ANKS1B: variants seen among roughly 807,000 people sequenced by gnomAD.
ANKS1B encodes the protein ankyrin repeat and sterile alpha motif domain-containing protein 1B.
In ANKS1B, 36 loss-of-function variants were observed where a neutral mutation model predicts 148.3. The ratio of observed to expected loss-of-function variants is 0.24; its 90% CI spans 0.19 to 0.32. ANKS1B has a LOEUF of 0.32. Ranked by LOEUF, ANKS1B falls within the 10% of genes least tolerant of loss-of-function variation. The pLI is 1.00. For synonymous variants in ANKS1B, 542 were observed against 560.8 expected, an observed-to-expected ratio of 0.97 and a Z score of 0.47; for missense variants, 1,157 against 1,542.6, an observed-to-expected ratio of 0.75 and a Z score of 4.19.
intron 15 of ANKS1B, among the ~76,000 whole-genome samples, chr12:99,087,644 G>A (rs1026703893): frequency 5.3e-5 from 8 of 152,162 alleles, no homozygotes; most frequent in Non-Finnish European, 1.2e-4. Flanking sequence ...ACTCTTTGAG[G>A]AGTTACCTGG....
intron 15 of ANKS1B, among the ~76,000 whole-genome samples, chr12:99,151,769 T>C (rs2074991987): frequency 6.6e-6 from 1 of 152,204 alleles, no homozygotes; most frequent in African/African-American, 2.4e-5. Context: ...ATTAATGGAT[T>C]CTTGATTGAA....
chr12:99,299,224 C>T (rs1426205631), intron 12 of ANKS1B, among the ~76,000 whole-genome samples: 2 of 152,022 alleles, frequency 1.3e-5, no homozygotes, highest in Non-Finnish European at 2.9e-5. Flanking sequence ...CCATGCCTGG[C>T]TAAGTTTTCT....
At chr12:98,740,159 T>G (rs1244551746), downstream of ANKS1B, among the ~76,000 whole-genome samples, 1 of 152,184 alleles carries the variant, frequency 6.6e-6, no homozygotes, top group Non-Finnish European at 1.5e-5. Flanking sequence ...GGCTGTCAAG[T>G]GGATCTAAGT....
At chr12:99,866,544 G>T (rs1685346120) in intron 1 of ANKS1B, among the ~76,000 whole-genome samples, 1 of 152,068 alleles carries the variant, frequency 6.6e-6, no homozygotes, top group African/African-American at 2.4e-5. Context: ...TTGCTGTCTC[G>T]AGAACTTAAG....
chr12:99,677,821 A>C (rs560017431), intron 8 of ANKS1B, among the ~76,000 whole-genome samples: 1 of 152,002 alleles, frequency 6.6e-6, no homozygotes, highest in East Asian at 1.9e-4. Flanking sequence ...AAAATACAAA[A>C]AATTAGCCGG....
chr12:99,732,846 G>A (rs547632775), intron 8 of ANKS1B, among the ~76,000 whole-genome samples: 6 of 152,162 alleles, frequency 3.9e-5, no homozygotes, highest in South Asian at 2.1e-4. Context: ...GTATATTAAC[G>A]TACTGGATAT....
At chr12:98,860,790 G>A (rs943978944) in intron 17 of ANKS1B, among the ~76,000 whole-genome samples, 11 of 152,138 alleles carry the variant, frequency 7.2e-5, no homozygotes, top group African/African-American at 2.7e-4. Context: ...CTAGGTGACA[G>A]GTTGACAGGT....
chr12:99,596,267 C>T (rs1005735459), intron 9 of ANKS1B, among the ~76,000 whole-genome samples: 3 of 151,734 alleles, frequency 2.0e-5, no homozygotes, highest in African/African-American at 7.3e-5. Context: ...AGGATCTTTC[C>T]TTGCTTCTTT....
chr12:99,055,102 A>G (rs2099968702), intron 16 of ANKS1B, among the ~76,000 whole-genome samples: 1 of 152,236 alleles, frequency 6.6e-6, no homozygotes, highest in Non-Finnish European at 1.5e-5. Context: ...ATCAGAGGCT[A>G]GGACCCAAAA....
chr12:99,664,066 G>A (rs748574764), intron 8 of ANKS1B, among the ~76,000 whole-genome samples: 2 of 151,860 alleles, frequency 1.3e-5, no homozygotes, highest in Non-Finnish European at 2.9e-5. Context: ...ATTAGAAAGA[G>A]CTAAGTCTAA....
chr12:99,048,331 C>T (rs1429574351), intron 17 of ANKS1B, among the ~76,000 whole-genome samples: 2 of 152,196 alleles, frequency 1.3e-5, no homozygotes, highest in East Asian at 3.8e-4. Flanking sequence ...TAGAGAGTTT[C>T]AGTTTTTTCT....
At chr12:99,928,730 C>A (rs1042823360) in intron 1 of ANKS1B, among the ~76,000 whole-genome samples, 1 of 152,202 alleles carries the variant, frequency 6.6e-6, no homozygotes. Flanking sequence ...AAAGCTAACA[C>A]ACATATACAC....
At chr12:99,273,971 G>A (rs969205034) in intron 12 of ANKS1B, among the ~76,000 whole-genome samples, 7 of 152,000 alleles carry the variant, frequency 4.6e-5, no homozygotes, top group African/African-American at 1.7e-4. Context: ...ATGTGTCCCA[G>A]GGAAGCCAAA....
At chr12:99,485,007 A>T (rs1197126818) in intron 10 of ANKS1B, among the ~76,000 whole-genome samples, 1 of 151,888 alleles carries the variant, frequency 6.6e-6, no homozygotes, top group East Asian at 1.9e-4. Context: ...TGGAGCATTT[A>T]GGCCATTTAC....
intron 8 of ANKS1B, among the ~76,000 whole-genome samples, chr12:99,671,464 A>G (rs759872932): frequency 8.5e-5 from 13 of 152,196 alleles, no homozygotes; most frequent in South Asian, 2.1e-4. Context: ...AAATAGCAAT[A>G]TTTTATCCTT....
At chr12:99,038,251 A>T (rs1284846212) in intron 17 of ANKS1B, among the ~76,000 whole-genome samples, 1 of 152,048 alleles carries the variant, frequency 6.6e-6, no homozygotes. Flanking sequence ...GGAACTCTTG[A>T]TTTCTCCCTC....
At chr12:99,328,043 C>T (rs1338451431) in intron 12 of ANKS1B, among the ~76,000 whole-genome samples, 1 of 151,886 alleles carries the variant, frequency 6.6e-6, no homozygotes, top group African/African-American at 2.4e-5. Context: ...GTAAGGGCAT[C>T]TACTTCCAGA....
At chr12:99,802,446 T>C (rs1458239237) in intron 4 of ANKS1B, among the ~76,000 whole-genome samples, 2 of 152,076 alleles carry the variant, frequency 1.3e-5, no homozygotes, top group African/African-American at 4.8e-5. Flanking sequence ...TGACTGATTC[T>C]CTTTATTAAA....
intron 8 of ANKS1B, among the ~76,000 whole-genome samples, chr12:99,691,927 C>A (rs1299945321): frequency 3.9e-5 from 6 of 152,034 alleles, no homozygotes; most frequent in Non-Finnish European, 8.8e-5. Flanking sequence ...ATAGAAAACT[C>A]ATGGAATATG....
Sources: gnomAD v4.1 joint callset for allele counts (sites outside exome capture counted in the v4.1 genomes callset) on GRCh38, gnomAD v4.1.1 for gene constraint, MANE v1.5 for transcripts, NCBI Gene and HGNC (gene_info 2026-07-23, HGNC 2026-07-21) for gene names.